Variants in PCDHGA6 observed in about 807,000 individuals in gnomAD.
PCDHGA6 encodes protocadherin gamma subfamily A, 6.
Under a neutral mutation model 60.6 loss-of-function variants are expected in PCDHGA6, and 41 were observed. That is an observed-to-expected ratio of 0.68 (90% CI 0.53 to 0.88). The LOEUF is 0.88. PCDHGA6 is among the 40% of genes least tolerant of loss of function. The pLI, the probability that PCDHGA6 is intolerant of heterozygous loss-of-function variation, is 0.00. For missense variants in PCDHGA6, 1,312 were observed against 1,203.0 expected (o/e 1.09, Z -1.34); for synonymous variants, 594 against 524.4 (o/e 1.13, Z -1.81).
Position 141,493,554 on chromosome 5 carries a change from G to A in PCDHGA6, c.2425-1253G>A, listed in dbSNP as rs2099748882. The stretch of plus-strand genomic sequence containing the variant: ...GGCCAGTTATCCTTTTGGAGATTGA[G>A]TTCCCCCAGCTCCGTTTCCTCCTAT... On this transcript the variant is annotated intron_variant, in intron 1 of 3. Coordinates refer to ENST00000517434, the MANE Select transcript of PCDHGA6 (RefSeq NM_018919.3). The surrounding 1 kb of genome is among the most constrained non-coding windows in gnomAD (Gnocchi z 4.3). 6.6e-6 allele frequency among the ~76,000 whole-genome samples: 1 copy of A among 152,166 alleles called. No homozygotes were observed. Among genetic ancestry groups the A allele is most frequent in the Admixed American group, 6.5e-5 (1 of 15,282 alleles).
intron 1 of PCDHGA6, among the ~76,000 whole-genome samples, chr5:141,429,377 G>GTT (rs566693637): frequency 2.2e-4 from 33 of 149,524 alleles, no homozygotes; most frequent in South Asian, 1.5e-3. Context: ...GAGAAAATGT[G>GTT]TTTTTTTTTT....
chr5:141,491,648 T>G lies in PCDHGA6; in HGVS notation c.2425-3159T>G, dbSNP rs756792762. 1 of 1,613,834 alleles carries G rather than the reference T, an allele frequency of 6.2e-7. No individual in the cohort carries two copies. Among genetic ancestry groups the G allele is most frequent in the Non-Finnish European group, 8.5e-7 (1 of 1,180,002 alleles). On this transcript the variant is annotated intron_variant, in intron 1 of 3. Coordinates refer to ENST00000517434, the MANE Select transcript of PCDHGA6 (RefSeq NM_018919.3). This position sits in a 1 kb window ranked among gnomAD's most constrained non-coding sequence, Gnocchi z 6.9. Reference sequence around the variant, plus strand: ...GTTCAGCAGCCCACAGCTCTGGCGCTGGAGCCTGACGCCATCCGGTCCCGC... The same window carrying G: ...GTTCAGCAGCCCACAGCTCTGGCGCGGGAGCCTGACGCCATCCGGTCCCGC...
intron 1 of PCDHGA6, chr5:141,422,579 C>T: frequency 6.2e-7 from 1 of 1,614,052 alleles, no homozygotes; most frequent in Non-Finnish European, 8.5e-7. Flanking sequence ...GATAACCCTC[C>T]CGTTTTTCCT....
chr5:141,394,380 G>A (rs867131974), intron 1 of PCDHGA6: 2 of 1,614,196 alleles, frequency 1.2e-6, no homozygotes, highest in Non-Finnish European at 1.7e-6. Context: ...TTTCGACTAT[G>A]AGCAGATCCG....
intron 1 of PCDHGA6, chr5:141,402,898 T>C: frequency 6.6e-7 from 1 of 1,512,304 alleles, no homozygotes; most frequent in Non-Finnish European, 8.8e-7. Context: ...AGAAAGAACC[T>C]GATGAAGCAG....
chr5:141,472,505 A>G (rs1041224118), intron 1 of PCDHGA6, among the ~76,000 whole-genome samples: 4 of 152,004 alleles, frequency 2.6e-5, no homozygotes, highest in African/African-American at 7.3e-5. Context: ...GTGCCACTGC[A>G]CTCCAGCCTG....
chr5:141,427,892 C>G (rs752723370), intron 1 of PCDHGA6: 2 of 1,567,044 alleles, frequency 1.3e-6, no homozygotes, highest in African/African-American at 2.7e-5. Context: ...ACGACCAGGG[C>G]TCGCCCGCGC....
Position 141,507,461 on chromosome 5 carries a change from G to A in PCDHGA6, c.2572+1980G>A, listed in dbSNP as rs145114393. On this transcript the variant is annotated intron_variant, in intron 3 of 3. Coordinates refer to ENST00000517434, the MANE Select transcript of PCDHGA6 (RefSeq NM_018919.3). ...AGCTGACGGAAGGACAGAGAGAGAG[G>A]TGGCAGGGACTGCTGGCCTCCTGAG... Among the ~76,000 whole-genome samples the A allele has an allele frequency of 3.8e-3, 581 of 152,330 alleles. 5 individuals are homozygous for A. Among genetic ancestry groups the A allele is most frequent in the African/African-American group, 0.012 (485 of 41,570 alleles).
intron 1 of PCDHGA6, chr5:141,413,373 C>T (rs1421093311): frequency 1.2e-6 from 2 of 1,613,946 alleles, no homozygotes; most frequent in Non-Finnish European, 1.7e-6. Flanking sequence ...TGGCGGAGCG[C>T]GGAGTCCGCA....
chr5:141,485,105 G>A lies in PCDHGA6; in HGVS notation c.2425-9702G>A. On this transcript the variant is annotated intron_variant, in intron 1 of 3. Transcript: ENST00000517434. The surrounding 1 kb of genome is among the most constrained non-coding windows in gnomAD (Gnocchi z 5.7). ...AGGGAGATAGGTGTCTCCAGCTGCT[G>A]TGGCTGTTTGGGGCGGGTCGGCTTC... 8.3e-7 allele frequency: 1 copy of A among 1,205,940 alleles called. No individual in the cohort carries two copies. Among genetic ancestry groups the A allele is most frequent in the Non-Finnish European group, 1.2e-6 (1 of 827,784 alleles). The allele number at this position is 1,205,940 out of a possible 1,614,324, so 74.7% of individuals were successfully genotyped here.
Position 141,374,945 on chromosome 5 carries a change from A to G in PCDHGA6, c.862A>G (p.Ile288Val). 6.2e-7 allele frequency: 1 copy of G among 1,614,034 alleles called. No individual in the cohort carries two copies. The highest frequency in any genetic ancestry group is 8.5e-7 in the Non-Finnish European group (1 of 1,179,906). ...TTCCTTTGTGAAGATTACAGAAAAGATCTCACAAATTTTCTGTTTGAATGT... is the reference window on the plus strand; with the variant it reads ...TTCCTTTGTGAAGATTACAGAAAAGGTCTCACAAATTTTCTGTTTGAATGT... ...TYSFVKITEK[I>V]SQIFCLNVLT... Residue 288 changes from isoleucine (I) to valine (V), a missense_variant, in exon 1 of 4, where the codon ATC (isoleucine) becomes GTC (valine). By Grantham distance (29) the Ile-to-Val change is conservative (BLOSUM62 3). Coordinates refer to ENST00000517434, the MANE Select transcript of PCDHGA6 (RefSeq NM_018919.3).
At position 141,399,541 on chromosome 5, in the gene PCDHGA6, G is replaced by T. The variant is rs1301909841; in HGVS notation, c.2424+23034G>T. Reference sequence around the variant, plus strand: ...TGGGGCCTCCATCGCGCAAGTCTGCGCCTCGGACCTGGACTTGGGGTTGAA... The same window carrying T: ...TGGGGCCTCCATCGCGCAAGTCTGCTCCTCGGACCTGGACTTGGGGTTGAA... On this transcript the variant is annotated intron_variant, in intron 1 of 3. Transcript: ENST00000517434. 1.9e-6 allele frequency: 3 copies of T among 1,613,926 alleles called. No individual in the cohort carries two copies. In the Admixed American group the frequency reaches 5.0e-5, roughly 27 times the overall value.
At chr5:141,389,118 C>T in intron 1 of PCDHGA6, 1 of 1,614,006 alleles carries the variant, frequency 6.2e-7, no homozygotes, top group Non-Finnish European at 8.5e-7. Context: ...AGACCGCGAG[C>T]AGAATCCAGA....
intron 1 of PCDHGA6, chr5:141,410,694 T>C: frequency 6.7e-7 from 1 of 1,493,788 alleles, no homozygotes; most frequent in Non-Finnish European, 8.9e-7. Context: ...TACTACTTTA[T>C]TTTCATATCT....
At position 141,497,209 on chromosome 5, in the gene PCDHGA6, T is replaced by TG. The variant is rs11343387; in HGVS notation, c.2483+2353dup. On this transcript the variant is annotated intron_variant, in intron 2 of 3. Coordinates refer to ENST00000517434, the MANE Select transcript of PCDHGA6 (RefSeq NM_018919.3). ...GAGGCAGAGAACAATGTGAGTGTAA[T>TG]GGGGGGGGGAAGATCAGAGAAGGCT... Among the ~76,000 whole-genome samples the TG allele has an allele frequency of 1.3e-3, 196 of 151,342 alleles. 1 individual carries two copies. The South Asian group carries it at 0.02, about 15-fold the overall frequency.
At chr5:141,383,394 C>A in intron 1 of PCDHGA6, 2 of 1,614,036 alleles carry the variant, frequency 1.2e-6, no homozygotes, top group Non-Finnish European at 1.7e-6. Context: ...TGGGCACGAA[C>A]TCCCTCCAGA....
rs148641580 is a variant in PCDHGA6 at position 141,437,874 on chromosome 5, A to C, written c.2425-56933A>C. 3.9e-4 allele frequency among the ~76,000 whole-genome samples: 59 copies of C among 151,954 alleles called. 1 individual carries two copies. In the East Asian group the frequency reaches 5.8e-3, roughly 15 times the overall value. Reference sequence around the variant, plus strand: ...TGCCTTAGCCTCCCGAGTAGCTGGGACTACAGGCACACGCCACCACACCCA... The same window carrying C: ...TGCCTTAGCCTCCCGAGTAGCTGGGCCTACAGGCACACGCCACCACACCCA... On this transcript the variant is annotated intron_variant, in intron 1 of 3. Transcript: ENST00000517434.
chr5:141,406,344 A>G (rs1227863234), intron 1 of PCDHGA6, among the ~76,000 whole-genome samples: 1 of 152,148 alleles, frequency 6.6e-6, no homozygotes, highest in Non-Finnish European at 1.5e-5. Flanking sequence ...TCATTTATTC[A>G]GGTCATACTA....
At chr5:141,379,918 T>C (rs1175326393) in intron 1 of PCDHGA6, among the ~76,000 whole-genome samples, 1 of 119,530 alleles carries the variant, frequency 8.4e-6, no homozygotes, top group Non-Finnish European at 1.7e-5. Context: ...TTTTTTTTTT[T>C]TGTCAGAGTC....
Sources: gnomAD v4.1 joint callset for allele counts (sites outside exome capture counted in the v4.1 genomes callset) on GRCh38, gnomAD v4.1.1 for gene constraint, Gnocchi (gnomAD v3.1) non-coding constraint, MANE v1.5 for transcripts, NCBI Gene and HGNC (gene_info 2026-07-23, HGNC 2026-07-21) for gene names.